Variants in SEPTIN11 observed in about 807,000 individuals in gnomAD.
SEPTIN11 encodes the protein septin-11.
Under a neutral mutation model 51.4 loss-of-function variants are expected in SEPTIN11, and 25 were observed. That is an observed-to-expected ratio of 0.49 (90% CI 0.35 to 0.68). SEPTIN11 has a LOEUF of 0.68. Among genes scored for constraint, SEPTIN11 ranks in the 30% least tolerant of loss-of-function variants. SEPTIN11 has a pLI of 0.00. For synonymous variants in SEPTIN11, 174 were observed against 184.1 expected (o/e 0.95, Z 0.44); for missense variants, 381 against 520.8 (o/e 0.73, Z 2.61).
Position 77,037,478 on chromosome 4 carries a change from C to T in SEPTIN11, c.*2966C>T. ...CAAATAAAGCCAGAATGAGAAATTA[C>T]CATCTTCTACTAGAGAAAACCAAGA... is the stretch of plus-strand genomic sequence containing the variant. On this transcript the variant is annotated 3_prime_UTR_variant, in exon 10 of 10. Transcript: ENST00000264893. The T allele has an allele frequency of 1.0e-6, 1 of 985,172 alleles. No individual in the cohort carries two copies. Among genetic ancestry groups the T allele is most frequent in the Non-Finnish European group, 1.2e-6 (1 of 829,740 alleles). The allele number at this position is 985,172 out of a possible 1,614,324, so 61.0% of individuals were successfully genotyped here. A position where few individuals can be genotyped will look rare whatever the true frequency, so the allele number is the denominator to read the frequency against.
chr4:76,999,091 C>T (rs917125277), intron 2 of SEPTIN11, among the ~76,000 whole-genome samples: 1 of 151,992 alleles, frequency 6.6e-6, no homozygotes, highest in Non-Finnish European at 1.5e-5. Flanking sequence ...TTCCTTTTTT[C>T]GCTCCACAAG....
intron 2 of SEPTIN11, among the ~76,000 whole-genome samples, chr4:76,998,236 A>G (rs984926381): frequency 1.3e-5 from 2 of 152,190 alleles, no homozygotes; most frequent in Admixed American, 1.3e-4. Flanking sequence ...AACATAATAT[A>G]TATTTGTTGT....
At position 77,035,020 on chromosome 4, in the gene SEPTIN11, G is replaced by A; in HGVS notation, c.*508G>A. Reference sequence around the variant, plus strand: ...AGGTAGATTTGTACGTAGACAGACTGGTGAGCAAGCATTATATTTTATTTT... The same window carrying A: ...AGGTAGATTTGTACGTAGACAGACTAGTGAGCAAGCATTATATTTTATTTT... On this transcript the variant is annotated 3_prime_UTR_variant, in exon 10 of 10. Transcript: ENST00000264893. The A allele has an allele frequency of 1.0e-6, 1 of 985,754 alleles. No homozygotes were observed. Among genetic ancestry groups the A allele is most frequent in the Non-Finnish European group, 1.2e-6 (1 of 830,078 alleles). The allele number at this position is 985,754 out of a possible 1,614,324, so 61.1% of individuals were successfully genotyped here. A position where few individuals can be genotyped will look rare whatever the true frequency, so the allele number is the denominator to read the frequency against.
rs149057132 is a variant in SEPTIN11, at chr4:76,961,581, C to T, written c.27+11651C>T. On this transcript the variant is annotated intron_variant, in intron 1 of 9. Coordinates refer to ENST00000264893, the MANE Select transcript of SEPTIN11 (RefSeq NM_018243.4). ...ACTGAACATCAGAGCTTAGCCTAGC[C>T]TACCTTAAATATGCTTAGAACACTT... 9.6e-4 allele frequency among the ~76,000 whole-genome samples: 146 copies of T among 152,300 alleles called. 1 individual carries two copies. Among genetic ancestry groups the T allele is most frequent in the Admixed American group, 4.0e-3 (61 of 15,304 alleles).
At chr4:76,960,206 C>T (rs940523632) in intron 1 of SEPTIN11, among the ~76,000 whole-genome samples, 2 of 152,106 alleles carry the variant, frequency 1.3e-5, no homozygotes, top group Non-Finnish European at 1.5e-5. Context: ...GTTTGACTTA[C>T]GTGGGTAGGC....
At position 77,019,147 on chromosome 4, in the gene SEPTIN11, T is replaced by C. The variant is rs1391707316; in HGVS notation, c.688-18T>C. The C allele has an allele frequency of 1.9e-6, 3 of 1,607,538 alleles. No individual in the cohort carries two copies. ...AGAGCAGGGGAAAGTAACTATTCTCTGTCCTTTTGCTTGGCAGGTCCATCT... is the reference window on the plus strand; with the variant it reads ...AGAGCAGGGGAAAGTAACTATTCTCCGTCCTTTTGCTTGGCAGGTCCATCT... On this transcript the variant is annotated intron_variant, in intron 5 of 9. Transcript: ENST00000264893.
intron 1 of SEPTIN11, chr4:76,972,378 TTGG>T (rs1722288104): frequency 6.6e-6 from 1 of 152,186 alleles, no homozygotes; most frequent in Non-Finnish European, 1.5e-5. Flanking sequence ...TGTCTTTTGC[TTGG>T]TGGTTTAGAA....
chr4:77,013,619 A>C (rs1725023122), intron 4 of SEPTIN11, among the ~76,000 whole-genome samples: 1 of 152,184 alleles, frequency 6.6e-6, no homozygotes, highest in Non-Finnish European at 1.5e-5. Context: ...TGTTTTTCTT[A>C]GTCTGCAACT....
rs1182496934 is a variant in SEPTIN11, at chr4:77,038,142, C to T, written c.*3630C>T. 1.0e-6 allele frequency: 1 copy of T among 985,746 alleles called. No individual in the cohort carries two copies. The highest frequency in any genetic ancestry group is 1.7e-5 in the African/African-American group (1 of 57,230). 61.1% of individuals were successfully genotyped at this position (985,746 alleles called of 1,614,324 possible). ...TCTCAGCTTCGAAAAGTCCTGGTTC[C>T]ACTGACAGGACACATTCTTTAGTGG... On this transcript the variant is annotated 3_prime_UTR_variant, in exon 10 of 10. Transcript: ENST00000264893.
chr4:76,978,105 T>A (rs887609413), intron 1 of SEPTIN11, among the ~76,000 whole-genome samples: 1 of 152,182 alleles, frequency 6.6e-6, no homozygotes, highest in Non-Finnish European at 1.5e-5. Context: ...TAGAAGAGTG[T>A]GAGAGAGAGT....
chr4:77,001,346 T>G (rs1724105805), intron 2 of SEPTIN11, among the ~76,000 whole-genome samples: 1 of 114,880 alleles, frequency 8.7e-6, no homozygotes, highest in Non-Finnish European at 1.8e-5. Context: ...TTGTTTTCAA[T>G]TAACTTTTTT....
chr4:76,986,102 A>G (rs554708219), intron 1 of SEPTIN11, among the ~76,000 whole-genome samples: 55 of 152,258 alleles, frequency 3.6e-4, no homozygotes, highest in African/African-American at 1.1e-3. Context: ...TCACTGTCCA[A>G]TTCAGAGGAT....
rs1311822431 is a variant in SEPTIN11, at chr4:77,035,683, C to A, written c.*1171C>A. On this transcript the variant is annotated 3_prime_UTR_variant, in exon 10 of 10. Transcript: ENST00000264893. ...AACAGCTGAAGTCTCAAATCATTGTCTGGAATTTTCCTCACCTTGGCTAGC... is the reference window on the plus strand; with the variant it reads ...AACAGCTGAAGTCTCAAATCATTGTATGGAATTTTCCTCACCTTGGCTAGC... The A allele has an allele frequency of 1.0e-6, 1 of 985,750 alleles. No individual in the cohort carries two copies. Among genetic ancestry groups the A allele is most frequent in the Non-Finnish European group, 1.2e-6 (1 of 829,942 alleles). 61.1% of individuals were successfully genotyped at this position (985,750 alleles called of 1,614,324 possible). A position where few individuals can be genotyped will look rare whatever the true frequency, so the allele number is the denominator to read the frequency against.
intron 1 of SEPTIN11, among the ~76,000 whole-genome samples, chr4:76,973,728 T>G (rs1224186497): frequency 6.6e-6 from 1 of 152,248 alleles, no homozygotes; most frequent in Non-Finnish European, 1.5e-5. Context: ...TGTTACTTAC[T>G]TGCTCTAAGA....
At chr4:76,950,684 C>T (rs1721294330) in intron 1 of SEPTIN11, among the ~76,000 whole-genome samples, 1 of 152,144 alleles carries the variant, frequency 6.6e-6, no homozygotes, top group African/African-American at 2.4e-5. Context: ...GAGGAGATAC[C>T]TTTGCCCCGA....
At chr4:77,002,693 A>G (rs1560723265) in intron 2 of SEPTIN11, among the ~76,000 whole-genome samples, 1 of 152,002 alleles carries the variant, frequency 6.6e-6, no homozygotes, top group Non-Finnish European at 1.5e-5. Flanking sequence ...TAAGCCATGA[A>G]TGGTGAGTGT....
At chr4:76,953,407 G>A (rs1721426941) in intron 1 of SEPTIN11, among the ~76,000 whole-genome samples, 1 of 152,206 alleles carries the variant, frequency 6.6e-6, no homozygotes, top group African/African-American at 2.4e-5. Context: ...TCAGGTGAAG[G>A]ATCATATCTG....
chr4:76,997,580 G>A (rs1723810947), intron 2 of SEPTIN11, among the ~76,000 whole-genome samples: 2 of 152,282 alleles, frequency 1.3e-5, no homozygotes, highest in South Asian at 4.1e-4. Context: ...ACACCAACTT[G>A]CTCCCTGGCA....
Position 77,036,284 on chromosome 4 carries a change from T to C in SEPTIN11, c.*1772T>C. ...ACATTCTTGTTTTTGCTTTTGTTTT[T>C]TTAAATAATTCTAGTCTGGAGCTAA... is the stretch of plus-strand genomic sequence containing the variant. On this transcript the variant is annotated 3_prime_UTR_variant, in exon 10 of 10. Coordinates refer to ENST00000264893, the MANE Select transcript of SEPTIN11 (RefSeq NM_018243.4). 1 of 1,008,880 alleles carries C rather than the reference T, an allele frequency of 9.9e-7. No homozygotes were observed. The highest frequency in any genetic ancestry group is 1.7e-5 in the African/African-American group (1 of 57,466). The allele number at this position is 1,008,880 out of a possible 1,614,324, so 62.5% of individuals were successfully genotyped here.
Sources: allele counts gnomAD v4.1 joint callset (sites outside exome capture counted in the v4.1 genomes callset), GRCh38; gene constraint gnomAD v4.1.1; transcripts MANE v1.5; gene names NCBI Gene and HGNC (gene_info 2026-07-23, HGNC 2026-07-21).